Variants in GRID1 observed in about 807,000 individuals in gnomAD.
GRID1 encodes the protein glutamate receptor ionotropic, delta-1.
Under a neutral mutation model 98.0 loss-of-function variants are expected in GRID1, and 28 were observed. That is an observed-to-expected ratio of 0.29 (90% confidence interval 0.21 to 0.39). GRID1 has a LOEUF of 0.39. GRID1 is among the 10% of genes least tolerant of loss of function. The pLI is 1.00. For synonymous variants in GRID1, 553 were observed against 538.5 expected, an observed-to-expected ratio of 1.03 and a Z score of -0.37; for missense variants, 1,111 against 1,340.5, an observed-to-expected ratio of 0.83 and a Z score of 2.67.
chr10:86,150,619 G>A (rs183607004), intron 3 of GRID1, among the ~76,000 whole-genome samples: 51 of 152,302 alleles, frequency 3.3e-4, no homozygotes, highest in Admixed American at 9.1e-4. Context: ...CAATGATGGC[G>A]TAATCGTAAC....
At chr10:86,345,687 C>T (rs1309741570) in intron 2 of GRID1, among the ~76,000 whole-genome samples, 2 of 152,206 alleles carry the variant, frequency 1.3e-5, no homozygotes, top group Non-Finnish European at 2.9e-5. Flanking sequence ...AGCTTAAGGG[C>T]CTAGATGGAG....
intron 4 of GRID1, among the ~76,000 whole-genome samples, chr10:86,052,119 A>T (rs1231767160): frequency 1.3e-5 from 2 of 152,198 alleles, no homozygotes; most frequent in African/African-American, 4.8e-5. Flanking sequence ...AAAAATAGGC[A>T]AGCCTTTCTA....
intron 12 of GRID1, among the ~76,000 whole-genome samples, chr10:85,690,791 G>C (rs1419917350): frequency 1.3e-5 from 2 of 151,926 alleles, no homozygotes; most frequent in Admixed American, 6.6e-5. Flanking sequence ...ATAATTCAAT[G>C]GTTTCTCAAA....
intron 4 of GRID1, among the ~76,000 whole-genome samples, chr10:86,110,410 G>T (rs1844463134): frequency 6.6e-6 from 1 of 152,182 alleles, no homozygotes; most frequent in Non-Finnish European, 1.5e-5. Context: ...AGGAAGAGGG[G>T]AAGATGGCTT....
intron 8 of GRID1, among the ~76,000 whole-genome samples, chr10:85,794,780 T>A (rs571044979): frequency 6.6e-6 from 1 of 152,308 alleles, no homozygotes. Flanking sequence ...AGACCCTGCA[T>A]TTGCCTCCTG....
chr10:85,828,560 G>A (rs961066375), intron 8 of GRID1, among the ~76,000 whole-genome samples: 1 of 151,390 alleles, frequency 6.6e-6, no homozygotes, highest in African/African-American at 2.4e-5. Context: ...GTCTAATAAA[G>A]GAAAAAAGAG....
intron 4 of GRID1, among the ~76,000 whole-genome samples, chr10:85,953,998 A>G (rs1413501960): frequency 6.6e-6 from 1 of 152,208 alleles, no homozygotes; most frequent in African/African-American, 2.4e-5. Context: ...GGGCAAAATA[A>G]TCTCCAAATA....
intron 4 of GRID1, among the ~76,000 whole-genome samples, chr10:86,022,275 T>C (rs1340794855): frequency 6.6e-6 from 1 of 152,224 alleles, no homozygotes; most frequent in Non-Finnish European, 1.5e-5. Flanking sequence ...ACTTAAAATT[T>C]TTTCTAATAC....
intron 2 of GRID1, among the ~76,000 whole-genome samples, chr10:86,312,132 G>A (rs1379642269): frequency 6.6e-6 from 1 of 152,248 alleles, no homozygotes; most frequent in Non-Finnish European, 1.5e-5. Flanking sequence ...CTCAGCTACT[G>A]TGAAGTTAAA....
chr10:85,982,029 G>A (rs954664752), intron 4 of GRID1, among the ~76,000 whole-genome samples: 2 of 152,112 alleles, frequency 1.3e-5, no homozygotes, highest in African/African-American at 4.8e-5. Flanking sequence ...TCCAATGACA[G>A]GGAACAGCCA....
At chr10:86,194,756 A>G (rs1845849553) in intron 3 of GRID1, among the ~76,000 whole-genome samples, 1 of 151,938 alleles carries the variant, frequency 6.6e-6, no homozygotes, top group South Asian at 2.1e-4. Context: ...AACCCCTCAC[A>G]TTGGGCTGGT....
chr10:86,226,770 G>A (rs1156519707), intron 2 of GRID1, among the ~76,000 whole-genome samples: 1 of 150,650 alleles, frequency 6.6e-6, no homozygotes, highest in African/African-American at 2.5e-5. Flanking sequence ...AGCAGTCCCA[G>A]CAGAGAGGCA....
At chr10:86,178,638 G>T (rs868092801) in intron 3 of GRID1, among the ~76,000 whole-genome samples, 3 of 152,036 alleles carry the variant, frequency 2.0e-5, no homozygotes, top group Admixed American at 6.6e-5. Context: ...TACACACAGA[G>T]AACTACGGTC....
At chr10:85,660,405 T>C (rs1013925988) in intron 12 of GRID1, among the ~76,000 whole-genome samples, 1 of 152,150 alleles carries the variant, frequency 6.6e-6, no homozygotes, top group African/African-American at 2.4e-5. Flanking sequence ...TACACCACCA[T>C]GGAAAGGTTG....
chr10:85,732,864 G>A (rs748516551), intron 8 of GRID1, among the ~76,000 whole-genome samples: 6 of 152,122 alleles, frequency 3.9e-5, no homozygotes, highest in Non-Finnish European at 8.8e-5. Flanking sequence ...AGTTTATGTA[G>A]TTACAGTACA....
At chr10:86,266,347 T>G (rs1277304422) in intron 2 of GRID1, among the ~76,000 whole-genome samples, 1 of 152,014 alleles carries the variant, frequency 6.6e-6, no homozygotes, top group Non-Finnish European at 1.5e-5. Context: ...CCCAGAGCAT[T>G]CACACACGGC....
chr10:85,771,615 A>G (rs534511076), intron 8 of GRID1, among the ~76,000 whole-genome samples: 133 of 152,282 alleles, frequency 8.7e-4, no homozygotes, highest in South Asian at 5.4e-3. Flanking sequence ...TCAAAATAAA[A>G]GGATAGAGGA....
At chr10:86,039,528 C>G (rs1461328747) in intron 4 of GRID1, among the ~76,000 whole-genome samples, 1 of 152,190 alleles carries the variant, frequency 6.6e-6, no homozygotes, top group Admixed American at 6.5e-5. Flanking sequence ...CTTTCACAAG[C>G]TTCTCTCCTT....
At chr10:86,196,356 A>G (rs970063206) in intron 3 of GRID1, among the ~76,000 whole-genome samples, 1 of 152,030 alleles carries the variant, frequency 6.6e-6, no homozygotes, top group African/African-American at 2.4e-5. Context: ...CGGAGGAGTA[A>G]GAAAAACGAG....
Sources: allele counts gnomAD v4.1 joint callset (sites outside exome capture counted in the v4.1 genomes callset), GRCh38; gene constraint gnomAD v4.1.1; transcripts MANE v1.5; gene names NCBI Gene and HGNC (gene_info 2026-07-23, HGNC 2026-07-21).